The following CDH11 variants were observed in gnomAD, a reference collection of about 807,000 sequenced individuals.
The protein encoded by CDH11 is cadherin 11, also known as cadherin-11.
In CDH11, 11 loss-of-function variants were observed where a neutral mutation model predicts 67.8. That is an observed-to-expected ratio of 0.16 (90% confidence interval 0.10 to 0.27). The LOEUF (loss-of-function observed/expected upper bound fraction) is 0.27, where lower values mean the gene tolerates loss of function less well. Among genes scored for constraint, CDH11 ranks in the 10% least tolerant of loss-of-function variants. The pLI is 1.00. For synonymous variants in CDH11, 419 were observed against 400.0 expected (o/e 1.05, Z -0.57); for missense variants, 847 against 1,031.2 (o/e 0.82, Z 2.45).
chr16:64,970,103 G>A lies in CDH11; in HGVS notation c.1642+1476C>T, dbSNP rs145665429. Among the ~76,000 whole-genome samples, 160 of 152,182 alleles carry A rather than the reference G, an allele frequency of 1.1e-3. 2 individuals are homozygous for A. In the East Asian group the frequency reaches 0.018, roughly 17 times the overall value. The stretch of plus-strand genomic sequence containing the variant: ...GTTTCGTAGGCTTCTTTAAAAACAC[G>A]TTTTTCTACATATAACTTCCTTCAC... On this transcript the variant is annotated intron_variant, in intron 11 of 12. Transcript: ENST00000268603.
At chr16:64,959,767 C>T (rs543315733) in intron 11 of CDH11, among the ~76,000 whole-genome samples, 1 of 152,118 alleles carries the variant, frequency 6.6e-6, no homozygotes, top group Non-Finnish European at 1.5e-5. Flanking sequence ...ATCTGTTTGG[C>T]TATCTTTAAA....
chr16:65,023,846 GT>G (rs1009589835), intron 2 of CDH11, among the ~76,000 whole-genome samples: 1 of 152,188 alleles, frequency 6.6e-6, no homozygotes, highest in Non-Finnish European at 1.5e-5. Context: ...GTTTTGATGG[GT>G]TTTGGCCAGC....
In CDH11 at chr16:65,062,301, C is replaced by T. The variant is rs7200837; in HGVS notation, c.-297-8373G>A. On this transcript the variant is annotated intron_variant, in intron 1 of 12. Transcript: ENST00000268603. ...GCAACTTCCAGACAACCAAGAAATCCGCTTATTTGCAAGTTTCTGGAGTAT... is the reference window on the plus strand; with the variant it reads ...GCAACTTCCAGACAACCAAGAAATCTGCTTATTTGCAAGTTTCTGGAGTAT... Among the ~76,000 whole-genome samples the T allele has an allele frequency of 3.6e-3, 553 of 152,272 alleles. 2 individuals carry two copies. The highest frequency in any genetic ancestry group is 0.012 in the African/African-American group (513 of 41,558).
chr16:64,965,402 AAAACTAAGATGT>A (rs748247740), intron 11 of CDH11, among the ~76,000 whole-genome samples: 15 of 151,938 alleles, frequency 9.9e-5, no homozygotes, highest in Admixed American at 3.3e-4. Context: ...CTTTTTGCTA[AAAACTAAGATGT>A]AAACCCACAC....
chr16:65,069,485 C>T (rs756027429), intron 1 of CDH11, among the ~76,000 whole-genome samples: 67 of 152,034 alleles, frequency 4.4e-4, no homozygotes, highest in Admixed American at 1.3e-4. Flanking sequence ...ACATGGAGTA[C>T]CTCTTTTGCA....
In CDH11 at chr16:65,003,569, T is replaced by G. The variant is rs573142311; in HGVS notation, c.228+1073A>C. Among the ~76,000 whole-genome samples, 9 of 152,352 alleles carry G rather than the reference T, an allele frequency of 5.9e-5. No individual in the cohort carries two copies. The East Asian group carries it at 7.7e-4, about 13-fold the overall frequency. On this transcript the variant is annotated intron_variant, in intron 3 of 12. Coordinates refer to ENST00000268603, the MANE Select transcript of CDH11 (RefSeq NM_001797.4). ...ACTGTGCTGGCCGCACATATCTTTT[T>G]GCAGTTTTAATGTCACTATCATCTG... is the stretch of plus-strand genomic sequence containing the variant.
At chr16:65,056,425 A>C (rs2074143705) in intron 1 of CDH11, among the ~76,000 whole-genome samples, 1 of 152,198 alleles carries the variant, frequency 6.6e-6, no homozygotes, top group Admixed American at 6.5e-5. Flanking sequence ...AAAATACCTA[A>C]ATGAATTCAA....
At chr16:64,957,313 G>A (rs1036391662) in intron 11 of CDH11, among the ~76,000 whole-genome samples, 8 of 152,136 alleles carry the variant, frequency 5.3e-5, no homozygotes, top group African/African-American at 1.7e-4. Flanking sequence ...CCTCTCTGCA[G>A]ACTGTTGGAA....
At chr16:65,085,679 C>A (rs2074685535) in intron 1 of CDH11, among the ~76,000 whole-genome samples, 3 of 152,266 alleles carry the variant, frequency 2.0e-5, no homozygotes, top group East Asian at 3.9e-4. Context: ...AAGCTCACTA[C>A]TTTTAGACAC....
Position 64,998,954 on chromosome 16 carries a change from C to A in CDH11, c.229-98G>T, listed in dbSNP as rs896932383. The stretch of plus-strand genomic sequence containing the variant: ...CAACAATCTGCTGCGCACACACACA[C>A]GTCATGAAAGGGAGATGTTCTCATC... On this transcript the variant is annotated intron_variant, in intron 3 of 12. Transcript: ENST00000268603. 25 of 942,942 alleles carry A rather than the reference C, an allele frequency of 2.7e-5. No homozygotes were observed. The South Asian group carries it at 3.6e-4, about 14-fold the overall frequency. 58.4% of individuals were successfully genotyped at this position (942,942 alleles called of 1,614,324 possible).
rs147826209 is a variant in CDH11 at position 64,978,006 on chromosome 16, T to C, written c.1253+4042A>G. 2.2e-3 allele frequency among the ~76,000 whole-genome samples: 341 copies of C among 152,318 alleles called. 3 individuals are homozygous for C. The highest frequency in any genetic ancestry group is 7.6e-3 in the African/African-American group (314 of 41,576). ...ATTTTCTTTGATATAAATGGACAAATTCCATTGTCCGTGTAATTTCCTTTC... is the reference window on the plus strand; with the variant it reads ...ATTTTCTTTGATATAAATGGACAAACTCCATTGTCCGTGTAATTTCCTTTC... On this transcript the variant is annotated intron_variant, in intron 8 of 12. Coordinates refer to ENST00000268603, the MANE Select transcript of CDH11 (RefSeq NM_001797.4).
chr16:65,006,000 G>T (rs2073044634), intron 2 of CDH11, among the ~76,000 whole-genome samples: 1 of 152,138 alleles, frequency 6.6e-6, no homozygotes, highest in Admixed American at 6.5e-5. Context: ...CCAGCACTCT[G>T]GTTCTTATTG....
intron 9 of CDH11, among the ~76,000 whole-genome samples, chr16:64,972,646 T>C (rs1399866096): frequency 6.6e-6 from 1 of 152,200 alleles, no homozygotes; most frequent in Non-Finnish European, 1.5e-5. Context: ...CTTTCAGTGA[T>C]GGTTATGAGT....
intron 3 of CDH11, among the ~76,000 whole-genome samples, chr16:65,004,035 GGC>G (rs140354911): frequency 0.05 from 7,572 of 152,236 alleles, 272 homozygotes; most frequent in Non-Finnish European, 0.07. Flanking sequence ...AATAAATTAT[GGC>G]TATGTGCATT....
chr16:65,085,102 G>C (rs1298489934), intron 1 of CDH11, among the ~76,000 whole-genome samples: 1 of 152,052 alleles, frequency 6.6e-6, no homozygotes, highest in East Asian at 1.9e-4. Flanking sequence ...GTAGAGACAG[G>C]GTTTCACCAC....
Position 64,962,465 on chromosome 16 carries a change from A to G in CDH11, c.1642+9114T>C, listed in dbSNP as rs192971448. Among the ~76,000 whole-genome samples, 880 of 152,238 alleles carry G rather than the reference A, an allele frequency of 5.8e-3. 21 individuals carry two copies. Among genetic ancestry groups the G allele is most frequent in the Admixed American group, 0.045 (687 of 15,280 alleles). ...ACAAGCAAAAACTTCCTCAGGAACC[A>G]GTGCTGGGGTAGAAAAACCTGAACT... is the stretch of plus-strand genomic sequence containing the variant. On this transcript the variant is annotated intron_variant, in intron 11 of 12. Coordinates refer to ENST00000268603, the MANE Select transcript of CDH11 (RefSeq NM_001797.4).
chr16:64,972,114 A>G (rs1394742122), intron 9 of CDH11, 50 bp from the exon 10 acceptor site: 1 of 1,555,852 alleles, frequency 6.4e-7, no homozygotes, highest in Non-Finnish European at 8.9e-7. Flanking sequence ...AGAAATACAC[A>G]TTGGTCCAGG....
At chr16:65,093,090 C>T (rs2074821209) in intron 1 of CDH11, among the ~76,000 whole-genome samples, 1 of 151,724 alleles carries the variant, frequency 6.6e-6, no homozygotes, top group Non-Finnish European at 1.5e-5. Flanking sequence ...GCATGTGCCA[C>T]CACACTCAGC....
intron 11 of CDH11, among the ~76,000 whole-genome samples, chr16:64,951,368 T>C (rs1206882447): frequency 6.6e-6 from 1 of 152,152 alleles, no homozygotes; most frequent in Non-Finnish European, 1.5e-5. Context: ...TCATTCCTCC[T>C]GCTTAGAATG....
Sources: allele counts gnomAD v4.1 joint callset (sites outside exome capture counted in the v4.1 genomes callset), GRCh38; gene constraint gnomAD v4.1.1; transcripts MANE v1.5; gene names NCBI Gene and HGNC (gene_info 2026-07-23, HGNC 2026-07-21).